Variants in FUT9 observed in about 807,000 individuals in gnomAD.
FUT9 encodes 4-galactosyl-N-acetylglucosaminide 3-alpha-L-fucosyltransferase 9.
A neutral mutation model predicts 29.7 loss-of-function variants in FUT9; 15 were observed. That is an observed-to-expected ratio of 0.51 (90% CI 0.34 to 0.78). The LOEUF (loss-of-function observed/expected upper bound fraction) is 0.78, where lower values mean the gene tolerates loss of function less well. FUT9 is among the 30% of genes least tolerant of loss of function. FUT9 has a pLI of 0.01. For missense variants in FUT9, 319 were observed against 425.4 expected, an observed-to-expected ratio of 0.75 and a Z score of 2.20; for synonymous variants, 169 against 153.7, an observed-to-expected ratio of 1.10 and a Z score of -0.74.
At chr6:96,072,690 A>T (rs918045856) in intron 1 of FUT9, among the ~76,000 whole-genome samples, 17 of 152,196 alleles carry the variant, frequency 1.1e-4, no homozygotes, top group African/African-American at 4.1e-4. Flanking sequence ...TTCTATCTGA[A>T]TAATGAAGTT....
chr6:96,134,750 G>A (rs964740358), intron 2 of FUT9, among the ~76,000 whole-genome samples: 1 of 151,730 alleles, frequency 6.6e-6, no homozygotes, highest in Non-Finnish European at 1.5e-5. Flanking sequence ...ACAGAAAGCA[G>A]GAATTATAAC....
rs190013789 is a variant in FUT9 at position 96,120,170 on chromosome 6, G to C, written c.-9+6043G>C. Reference sequence around the variant, plus strand: ...GATTTAAAGTCCTTCTACCATCGTAGAAGTCTATTTTATTTGTTTTGTTTG... The same window carrying C: ...GATTTAAAGTCCTTCTACCATCGTACAAGTCTATTTTATTTGTTTTGTTTG... On this transcript the variant is annotated intron_variant, in intron 2 of 2. Transcript: ENST00000302103. 4.1e-3 allele frequency among the ~76,000 whole-genome samples: 619 copies of C among 151,626 alleles called. 3 individuals carry two copies. The highest frequency in any genetic ancestry group is 9.6e-3 in the South Asian group (46 of 4,794).
At chr6:96,178,808 A>C (rs547939347) in intron 2 of FUT9, among the ~76,000 whole-genome samples, 2 of 152,234 alleles carry the variant, frequency 1.3e-5, no homozygotes, top group South Asian at 2.1e-4. Context: ...AATATAATAA[A>C]CACAGAGATA....
intron 1 of FUT9, among the ~76,000 whole-genome samples, chr6:96,061,273 C>T (rs1377794609): frequency 1.3e-5 from 2 of 150,436 alleles, no homozygotes; most frequent in African/African-American, 2.4e-5. Flanking sequence ...TTTTATCACC[C>T]ATTATTCTTT....
intron 1 of FUT9, among the ~76,000 whole-genome samples, chr6:96,079,753 AT>A (rs1216412180): frequency 6.6e-6 from 1 of 152,050 alleles, no homozygotes; most frequent in African/African-American, 2.4e-5. Flanking sequence ...AAACTTTCAT[AT>A]TTTTTAATAG....
chr6:96,198,998 T>C (rs1284835542), intron 2 of FUT9, among the ~76,000 whole-genome samples: 1 of 152,210 alleles, frequency 6.6e-6, no homozygotes, highest in African/African-American at 2.4e-5. Context: ...AATTGAATCA[T>C]GCATACCAAG....
At chr6:96,138,684 G>A (rs747768534) in intron 2 of FUT9, among the ~76,000 whole-genome samples, 11 of 152,066 alleles carry the variant, frequency 7.2e-5, no homozygotes, top group Non-Finnish European at 1.0e-4. Context: ...GGACTTAATT[G>A]GCTTTATTAA....
intron 1 of FUT9, among the ~76,000 whole-genome samples, chr6:96,105,342 G>A (rs1020111292): frequency 3.9e-5 from 6 of 152,090 alleles, no homozygotes; most frequent in African/African-American, 1.4e-4. Context: ...AATTGGAGTG[G>A]ACTCTTTTTC....
intron 1 of FUT9, among the ~76,000 whole-genome samples, chr6:96,110,815 C>CTATT (rs1554193305): frequency 1.5e-3 from 212 of 145,150 alleles, no homozygotes; most frequent in African/African-American, 4.9e-3. Context: ...ACAAATGTGC[C>CTATT]TATTTATTTA....
At chr6:96,049,270 T>C (rs1770622681) in intron 1 of FUT9, among the ~76,000 whole-genome samples, 1 of 152,120 alleles carries the variant, frequency 6.6e-6, no homozygotes, top group Non-Finnish European at 1.5e-5. Flanking sequence ...CTCAGGCTGC[T>C]TTTCTGGAGT....
At chr6:96,053,594 A>G (rs929872998) in intron 1 of FUT9, among the ~76,000 whole-genome samples, 4 of 152,142 alleles carry the variant, frequency 2.6e-5, no homozygotes, top group Admixed American at 1.3e-4. Flanking sequence ...CTATAGTCCC[A>G]GCTACTTGGG....
intron 2 of FUT9, among the ~76,000 whole-genome samples, chr6:96,191,325 G>C (rs1395382736): frequency 6.6e-6 from 1 of 152,070 alleles, no homozygotes; most frequent in African/African-American, 2.4e-5. Flanking sequence ...AAAATTGATA[G>C]ACCACTAGCA....
At chr6:96,113,610 C>T (rs961245715) in intron 1 of FUT9, among the ~76,000 whole-genome samples, 2 of 151,146 alleles carry the variant, frequency 1.3e-5, no homozygotes, top group Admixed American at 6.6e-5. Context: ...AATCCCAGCA[C>T]TTTGGGAGGC....
chr6:96,211,179 C>G lies in FUT9; in HGVS notation c.*6944C>G, dbSNP rs973026747. 6.0e-6 allele frequency: 1 copy of G among 166,730 alleles called. No homozygotes were observed. Among genetic ancestry groups the G allele is most frequent in the Non-Finnish European group, 1.5e-5 (1 of 67,940 alleles). The allele number at this position is 166,730 out of a possible 1,614,324, so 10.3% of individuals were successfully genotyped here. On this transcript the variant is annotated 3_prime_UTR_variant, in exon 3 of 3. Coordinates refer to ENST00000302103, the MANE Select transcript of FUT9 (RefSeq NM_006581.4). ...CATGTTTCCCATAATTACTAAGTTA[C>G]GGAAGGGGTGTGAGGAGCTGGCAGT...
At chr6:96,142,767 TA>T (rs1407502326) in intron 2 of FUT9, among the ~76,000 whole-genome samples, 4 of 152,166 alleles carry the variant, frequency 2.6e-5, no homozygotes, top group Non-Finnish European at 4.4e-5. Flanking sequence ...TTTTTTAAAT[TA>T]TAAGGAGTAG....
chr6:96,197,694 C>G lies in FUT9; in HGVS notation c.-8-5454C>G, dbSNP rs552064374. Among the ~76,000 whole-genome samples the G allele has an allele frequency of 1.3e-3, 199 of 152,226 alleles. 1 individual carries two copies. The highest frequency in any genetic ancestry group is 2.5e-3 in the Non-Finnish European group (167 of 68,016). On this transcript the variant is annotated intron_variant, in intron 2 of 2. Transcript: ENST00000302103. The stretch of plus-strand genomic sequence containing the variant: ...GTCAAATGTCCTGATCCAACAAGTC[C>G]TAATGGCATAAGGGAAAATCTCTTC...
At chr6:96,051,258 T>C (rs1340431220) in intron 1 of FUT9, among the ~76,000 whole-genome samples, 3 of 152,130 alleles carry the variant, frequency 2.0e-5, no homozygotes, top group African/African-American at 7.2e-5. Flanking sequence ...TCATGTCTCT[T>C]TTTCATTTTT....
intron 2 of FUT9, among the ~76,000 whole-genome samples, chr6:96,119,259 A>G (rs1297899843): frequency 6.6e-6 from 1 of 152,138 alleles, no homozygotes; most frequent in Admixed American, 6.5e-5. Context: ...ACGATTTTTT[A>G]TCTTGTATAC....
chr6:96,073,210 G>A (rs185262416), intron 1 of FUT9, among the ~76,000 whole-genome samples: 48 of 152,210 alleles, frequency 3.2e-4, no homozygotes, highest in African/African-American at 1.1e-3. Flanking sequence ...CAGCACTTTG[G>A]GGGGCCAAGA....
Sources: allele counts gnomAD v4.1 joint callset (sites outside exome capture counted in the v4.1 genomes callset), GRCh38; gene constraint gnomAD v4.1.1; transcripts MANE v1.5; gene names NCBI Gene and HGNC (gene_info 2026-07-23, HGNC 2026-07-21).